NCKAP5: variants seen among roughly 807,000 people sequenced by gnomAD.
NCKAP5 encodes the protein NCK associated protein 5.
In NCKAP5, 92 loss-of-function variants were observed where a neutral mutation model predicts 167.0. That is an observed-to-expected ratio of 0.55 (90% CI 0.47 to 0.66). The LOEUF (loss-of-function observed/expected upper bound fraction) is 0.66, where lower values mean the gene tolerates loss of function less well. Ranked by LOEUF, NCKAP5 falls within the 30% of genes least tolerant of loss-of-function variation. NCKAP5 has a pLI of 0.00. For synonymous variants in NCKAP5, 891 were observed against 877.4 expected, an observed-to-expected ratio of 1.02 and a Z score of -0.27; for missense variants, 2,378 against 2,315.0, an observed-to-expected ratio of 1.03 and a Z score of -0.56.
At chr2:132,773,028 A>T (rs2104953334) in intron 16 of NCKAP5, among the ~76,000 whole-genome samples, 1 of 152,270 alleles carries the variant, frequency 6.6e-6, no homozygotes, top group African/African-American at 2.4e-5. Flanking sequence ...CCTACACCCA[A>T]ATGTGACTTG....
At chr2:133,081,678 G>T (rs867349339) in intron 6 of NCKAP5, among the ~76,000 whole-genome samples, 1 of 152,160 alleles carries the variant, frequency 6.6e-6, no homozygotes, top group Admixed American at 6.6e-5. Context: ...AGGTGAGATG[G>T]ATACAACATT....
chr2:132,874,765 A>G (rs534993720), intron 9 of NCKAP5, among the ~76,000 whole-genome samples: 3 of 152,250 alleles, frequency 2.0e-5, no homozygotes, highest in East Asian at 1.9e-4. Context: ...AAAATTGCCA[A>G]TTTCCTGTCC....
At position 133,001,369 on chromosome 2, in the gene NCKAP5, C is replaced by T. The variant is rs527714184; in HGVS notation, c.342-7130G>A. ...AGATAGCTGGAACTAAAGACACGAG[C>T]CCTCAATGCCTGGCTAAATTTTGTA... On this transcript the variant is annotated intron_variant, in intron 6 of 19. Transcript: ENST00000409261. Among the ~76,000 whole-genome samples the T allele has an allele frequency of 4.6e-5, 7 of 151,990 alleles. No homozygotes were observed. The East Asian group carries it at 5.8e-4, about 13-fold the overall frequency.
intron 16 of NCKAP5, among the ~76,000 whole-genome samples, chr2:132,762,706 T>G (rs1191305112): frequency 6.6e-6 from 1 of 152,164 alleles, no homozygotes; most frequent in African/African-American, 2.4e-5. Context: ...AAACATCAAA[T>G]CCTTCCTTCT....
intron 19 of NCKAP5, among the ~76,000 whole-genome samples, chr2:132,707,722 T>C (rs959432017): frequency 6.6e-6 from 1 of 152,170 alleles, no homozygotes; most frequent in East Asian, 1.9e-4. Context: ...TGTTCTACAA[T>C]AGTGAACATG....
At chr2:133,487,435 A>C (rs2151334387) in intron 3 of NCKAP5, among the ~76,000 whole-genome samples, 1 of 152,248 alleles carries the variant, frequency 6.6e-6, no homozygotes, top group Non-Finnish European at 1.5e-5. Flanking sequence ...CTCTGCTGCT[A>C]ATTAGTTGTG....
At chr2:133,322,294 G>T (rs1574697972) in intron 3 of NCKAP5, among the ~76,000 whole-genome samples, 1 of 152,052 alleles carries the variant, frequency 6.6e-6, no homozygotes, top group Non-Finnish European at 1.5e-5. Context: ...ATAGATGCAA[G>T]AAAGTTCTAT....
chr2:132,847,517 C>T (rs1034125766), intron 11 of NCKAP5, among the ~76,000 whole-genome samples: 1 of 152,166 alleles, frequency 6.6e-6, no homozygotes, highest in African/African-American at 2.4e-5. Context: ...TCCTTAGAAT[C>T]CAACTAGACA....
At chr2:132,921,731 G>C (rs1695447641) in intron 8 of NCKAP5, among the ~76,000 whole-genome samples, 1 of 151,982 alleles carries the variant, frequency 6.6e-6, no homozygotes, top group African/African-American at 2.4e-5. Context: ...AGAGTATCTT[G>C]ACTTACGAGG....
intron 4 of NCKAP5, among the ~76,000 whole-genome samples, chr2:133,285,666 G>A (rs1679065443): frequency 6.6e-6 from 1 of 152,104 alleles, no homozygotes; most frequent in Non-Finnish European, 1.5e-5. Flanking sequence ...TCACCATCAC[G>A]ATACGAGAGC....
At chr2:133,171,086 G>C (rs946820784) in intron 5 of NCKAP5, among the ~76,000 whole-genome samples, 7 of 152,174 alleles carry the variant, frequency 4.6e-5, no homozygotes, top group Admixed American at 3.3e-4. Flanking sequence ...TCTCACGCTA[G>C]AATTCTAGAC....
intron 3 of NCKAP5, among the ~76,000 whole-genome samples, chr2:133,422,677 T>C (rs1460943796): frequency 1.3e-5 from 2 of 152,202 alleles, no homozygotes; most frequent in African/African-American, 4.8e-5. Flanking sequence ...TAAGGCAACA[T>C]TTCCTGACAC....
chr2:133,298,204 A>T (rs2150547720), intron 4 of NCKAP5, among the ~76,000 whole-genome samples: 1 of 152,276 alleles, frequency 6.6e-6, no homozygotes, highest in Admixed American at 6.5e-5. Context: ...AATCAAAAGT[A>T]ATTTCATGAT....
At chr2:132,695,508 C>A (rs1019830190) in intron 19 of NCKAP5, among the ~76,000 whole-genome samples, 1 of 152,050 alleles carries the variant, frequency 6.6e-6, no homozygotes, top group South Asian at 2.1e-4. Flanking sequence ...CCATGGCTGT[C>A]CCCTTGTGCC....
At chr2:133,312,034 A>G (rs999736224) in intron 3 of NCKAP5, among the ~76,000 whole-genome samples, 1 of 152,224 alleles carries the variant, frequency 6.6e-6, no homozygotes, top group Non-Finnish European at 1.5e-5. Flanking sequence ...AAATCACATG[A>G]GCTGTCAAAG....
intron 4 of NCKAP5, among the ~76,000 whole-genome samples, chr2:133,225,954 C>T (rs7562278): frequency 0.39 from 58,681 of 151,054 alleles, 11,662 homozygotes; most frequent in Admixed American, 0.42. Flanking sequence ...AGCTATTTTT[C>T]TGTATTTTTA....
intron 5 of NCKAP5, among the ~76,000 whole-genome samples, chr2:133,141,298 A>G (rs2082986979): frequency 6.6e-6 from 1 of 152,080 alleles, no homozygotes; most frequent in Non-Finnish European, 1.5e-5. Flanking sequence ...TTAATTTCTG[A>G]GAAGATGTGC....
chr2:132,966,532 T>C (rs2076673705), intron 7 of NCKAP5, among the ~76,000 whole-genome samples: 1 of 152,232 alleles, frequency 6.6e-6, no homozygotes, highest in Admixed American at 6.5e-5. Flanking sequence ...TTATGTTCTC[T>C]AAAATTTTCA....
chr2:133,206,217 T>C (rs1481619609), intron 5 of NCKAP5, among the ~76,000 whole-genome samples: 1 of 152,170 alleles, frequency 6.6e-6, no homozygotes, highest in Non-Finnish European at 1.5e-5. Context: ...GAAATTTCCA[T>C]TTTTTAAAAA....
Sources: gnomAD v4.1 joint callset for allele counts (sites outside exome capture counted in the v4.1 genomes callset) on GRCh38, gnomAD v4.1.1 for gene constraint, MANE v1.5 for transcripts, NCBI Gene and HGNC (gene_info 2026-07-23, HGNC 2026-07-21) for gene names.